TET1: variants seen among roughly 807,000 people sequenced by gnomAD.
TET1 encodes the protein tet methylcytosine dioxygenase 1, also known as methylcytosine dioxygenase TET1.
TET1 carries 13 observed loss-of-function variants against 148.7 expected under a neutral mutation model. The ratio of observed to expected loss-of-function variants is 0.09; its 90% CI spans 0.06 to 0.14. TET1 has a LOEUF of 0.14. TET1 is among the 10% of genes least tolerant of loss of function. The pLI, the probability that TET1 is intolerant of heterozygous loss-of-function variation, is 1.00. For missense variants in TET1, 2,182 were observed against 2,553.8 expected (o/e 0.85, Z 3.14); for synonymous variants, 907 against 937.2 (o/e 0.97, Z 0.59).
At chr10:68,637,876 A>C (rs1459135421) in intron 3 of TET1, among the ~76,000 whole-genome samples, 1 of 151,948 alleles carries the variant, frequency 6.6e-6, no homozygotes, top group Non-Finnish European at 1.5e-5. Context: ...CTCAAAAAAA[A>C]AAAAAAGATT....
intron 6 of TET1, among the ~76,000 whole-genome samples, chr10:68,652,845 ATTTTTTTTTTT>A (rs71019047): frequency 9.9e-6 from 1 of 101,214 alleles, no homozygotes; most frequent in Non-Finnish European, 1.9e-5. Flanking sequence ...AACCCGGCTA[ATTTTTTTTTTT>A]TTTTTTTTTT....
At position 68,590,835 on chromosome 10, in the gene TET1, C is replaced by CT. The variant is rs908442143; in HGVS notation, c.1915-10136dup. On this transcript the variant is annotated intron_variant, in intron 2 of 11. Transcript: ENST00000373644. ...TTTAAAAAATATATAAAGCTATTTT[C>CT]TTTTTTTTTTCTTTTTTTCTTCTCT... Among the ~76,000 whole-genome samples, 153 of 149,172 alleles carry CT rather than the reference C, an allele frequency of 1.0e-3. 4 individuals carry two copies. The East Asian group carries it at 0.022, about 22-fold the overall frequency.
intron 6 of TET1, among the ~76,000 whole-genome samples, chr10:68,655,274 CT>C (rs2055005379): frequency 6.6e-6 from 1 of 152,218 alleles, no homozygotes; most frequent in Non-Finnish European, 1.5e-5. Flanking sequence ...TGCTTTCCAC[CT>C]TTCCCTGCTA....
chr10:68,647,178 C>T (rs2054863392), intron 4 of TET1, among the ~76,000 whole-genome samples, 173 bp downstream of exon 4: 1 of 152,032 alleles, frequency 6.6e-6, no homozygotes, highest in African/African-American at 2.4e-5. Context: ...TTGGTTCTGC[C>T]ACAAGAATGG....
intron 7 of TET1, among the ~76,000 whole-genome samples, chr10:68,667,669 G>A (rs920441147): frequency 1.8e-4 from 28 of 151,892 alleles, no homozygotes; most frequent in Non-Finnish European, 3.7e-4. Context: ...GTGTGAATCC[G>A]GGAGGCGGAG....
chr10:68,597,812 A>C (rs973888884), intron 2 of TET1, among the ~76,000 whole-genome samples: 4 of 152,246 alleles, frequency 2.6e-5, no homozygotes, highest in African/African-American at 9.6e-5. Flanking sequence ...TGAACCTTGT[A>C]AATATTATGC....
intron 2 of TET1, among the ~76,000 whole-genome samples, chr10:68,592,858 G>A (rs2053934490): frequency 6.6e-6 from 1 of 152,040 alleles, no homozygotes; most frequent in Admixed American, 6.6e-5. Flanking sequence ...ATTTGTTTGT[G>A]TCTCTTAGAA....
At position 68,645,383 on chromosome 10, in the gene TET1, G is replaced by A; in HGVS notation, c.2654G>A (p.Arg885Lys). 1 of 1,614,090 alleles carries A rather than the reference G, an allele frequency of 6.2e-7. No homozygotes were observed. ...PSLLSLMKDR[R>K]LTLEQVVAIE... ...CTCTTATCGTTAATGAAAGATAGGA[G>A]ATTAACATTGGAGCAAGTGGTAGCC... Residue 885 changes from arginine to lysine, a missense_variant, in exon 4 of 12, where the codon AGA becomes AAA. By Grantham distance (26) the Arg-to-Lys change is conservative. This residue lies in a region of TET1 where 582 missense variants were observed against 599.5 expected (regional missense o/e 0.97). Coordinates refer to ENST00000373644, the MANE Select transcript of TET1 (RefSeq NM_030625.3).
chr10:68,638,764 T>TG (rs1430949955), intron 3 of TET1, among the ~76,000 whole-genome samples: 6 of 106,416 alleles, frequency 5.6e-5, no homozygotes, highest in South Asian at 6.8e-4. Context: ...ATGTATGGAG[T>TG]TTGTGTGTGT....
chr10:68,600,232 C>T (rs563680636), intron 2 of TET1, among the ~76,000 whole-genome samples: 32 of 152,266 alleles, frequency 2.1e-4, no homozygotes, highest in South Asian at 4.1e-4. Flanking sequence ...GTTATGTCTC[C>T]TGTACATTGG....
At chr10:68,674,908 A>G in intron 8 of TET1, 1 of 388,086 alleles carries the variant, frequency 2.6e-6, no homozygotes. Flanking sequence ...AAGACATAGA[A>G]AAAATTCTTG....
chr10:68,574,833 G>A (rs1382462317), intron 2 of TET1, among the ~76,000 whole-genome samples: 1 of 152,140 alleles, frequency 6.6e-6, no homozygotes, highest in Non-Finnish European at 1.5e-5. Flanking sequence ...TGGGATTAAA[G>A]GAAAATGGCT....
At chr10:68,574,868 A>C (rs1307308486) in intron 2 of TET1, among the ~76,000 whole-genome samples, 1 of 152,212 alleles carries the variant, frequency 6.6e-6, no homozygotes, top group Non-Finnish European at 1.5e-5. Context: ...TGATACACAA[A>C]CATTAGTTCT....
chr10:68,685,211 T>G (rs1185792050), intron 10 of TET1, among the ~76,000 whole-genome samples: 5 of 152,192 alleles, frequency 3.3e-5, no homozygotes. Context: ...ATATTTATAT[T>G]TTAGACTTTG....
In TET1 at chr10:68,574,184, C is replaced by G. The variant is rs1392340185; in HGVS notation, c.1846C>G (p.His616Asp). 1 of 1,613,686 alleles carries G rather than the reference C, an allele frequency of 6.2e-7. No homozygotes were observed. The highest frequency in any genetic ancestry group is 1.1e-5 in the South Asian group (1 of 91,078). The change falls in exon 2 of 12, where the codon CAT becomes GAT. Residue 616 changes from histidine to aspartate, a missense_variant. Physicochemically the swap from His to Asp is moderately conservative, Grantham distance 81 (BLOSUM62 -1). Transcript: ENST00000373644. Reference protein sequence around the residue: ...CTYCKNRKNSHQICKKRKCEE... With the variant: ...CTYCKNRKNSDQICKKRKCEE... ...TTACTGCAAGAACAGAAAGAACAGC[C>G]ATCAGATCTGTAAGAAAAGAAAATG...
intron 11 of TET1, 127 bp downstream of exon 11, chr10:68,686,834 CA>C: frequency 1.2e-6 from 1 of 831,630 alleles, no homozygotes; most frequent in Non-Finnish European, 1.8e-6. Context: ...ATACCAGAAC[CA>C]AAAGTCAACA....
intron 1 of TET1, among the ~76,000 whole-genome samples, chr10:68,563,279 T>C (rs1256149786): frequency 6.6e-6 from 1 of 152,228 alleles, no homozygotes; most frequent in East Asian, 1.9e-4. Context: ...GCTCTCACAC[T>C]TCCTGTGGTA....
rs2055455810 is a variant in TET1, at chr10:68,682,895, C to T, written c.4974C>T (p.Phe1658=). Residue 1658 remains phenylalanine (F), a synonymous_variant, in exon 10 of 12, where the codon TTC becomes TTT. Transcript: ENST00000373644. ...TTGGCAGCAAGGAAGGTCGTCCCTT[C>T]TCTGGGGTCACTGCTTGCCTGGACT... ...CRLGSKEGRP[F]SGVTACLDFC... 1 of 1,613,922 alleles carries T rather than the reference C, an allele frequency of 6.2e-7. No homozygotes were observed. Among genetic ancestry groups the T allele is most frequent in the Non-Finnish European group, 8.5e-7 (1 of 1,179,986 alleles).
At chr10:68,567,713 T>C (rs962166673) in intron 1 of TET1, among the ~76,000 whole-genome samples, 1 of 151,030 alleles carries the variant, frequency 6.6e-6, no homozygotes, top group African/African-American at 2.4e-5. Flanking sequence ...GATCGTGCCA[T>C]TGAACTCCAG....
Sources: gnomAD v4.1 joint callset for allele counts (sites outside exome capture counted in the v4.1 genomes callset) on GRCh38, gnomAD v4.1.1 for gene constraint, gnomAD v4.1.1 regional missense constraint, MANE v1.5 for transcripts, NCBI Gene and HGNC (gene_info 2026-07-23, HGNC 2026-07-21) for gene names.